CNOT2: variants seen among roughly 807,000 people sequenced by gnomAD.
The protein encoded by CNOT2 is CCR4-NOT transcription complex subunit 2.
In CNOT2, 7 loss-of-function variants were observed where a neutral mutation model predicts 72.1. The observed-to-expected ratio is 0.10, with a 90% confidence interval of 0.06 to 0.18. CNOT2 has a LOEUF of 0.18. CNOT2 is among the 10% of genes least tolerant of loss of function. The pLI is 1.00. For missense variants in CNOT2, 345 were observed against 660.3 expected (o/e 0.52, Z 5.23); for synonymous variants, 196 against 225.6 (o/e 0.87, Z 1.17).
Position 70,316,890 on chromosome 12 carries a change from T to G in CNOT2, c.172-2408T>G, listed in dbSNP as rs1320172930. Among the ~76,000 whole-genome samples, 7 of 152,162 alleles carry G rather than the reference T, an allele frequency of 4.6e-5. 1 individual carries two copies. Among genetic ancestry groups the G allele is most frequent in the Admixed American group, 3.9e-4 (6 of 15,258 alleles). On this transcript the variant is annotated intron_variant, in intron 3 of 15. Transcript: ENST00000229195. ...TGGATGTATAATCAGTGTGAGAAAGTAGACTAAAATGTGTGTTGTCTGGAG... is the reference window on the plus strand; with the variant it reads ...TGGATGTATAATCAGTGTGAGAAAGGAGACTAAAATGTGTGTTGTCTGGAG...
At chr12:70,352,999 G>A (rs910412442) in intron 15 of CNOT2, among the ~76,000 whole-genome samples, 2 of 151,578 alleles carry the variant, frequency 1.3e-5, no homozygotes, top group Non-Finnish European at 2.9e-5. Flanking sequence ...TGAAATGCAA[G>A]TCTAGTGATG....
intron 2 of CNOT2, among the ~76,000 whole-genome samples, chr12:70,291,558 T>C (rs1165829220): frequency 6.6e-6 from 1 of 152,228 alleles, no homozygotes; most frequent in African/African-American, 2.4e-5. Context: ...GTGTTCATAG[T>C]TAACAGTGAA....
intron 7 of CNOT2, among the ~76,000 whole-genome samples, chr12:70,333,166 T>C (rs563514404): frequency 1.3e-5 from 2 of 152,074 alleles, no homozygotes; most frequent in African/African-American, 2.4e-5. Context: ...TTTACTGTCC[T>C]CAGCCCTGTC....
intron 2 of CNOT2, among the ~76,000 whole-genome samples, chr12:70,289,546 GT>G (rs1312758105): frequency 3.3e-5 from 5 of 151,856 alleles, no homozygotes; most frequent in Admixed American, 3.3e-4. Flanking sequence ...TGTCTTCACT[GT>G]CCTTTGAGGA....
chr12:70,281,273 T>C (rs1398311573), intron 2 of CNOT2, among the ~76,000 whole-genome samples: 2 of 151,938 alleles, frequency 1.3e-5, no homozygotes, highest in East Asian at 1.9e-4. Flanking sequence ...TTAGTAGAGA[T>C]GGAGTTTCAC....
chr12:70,245,278 A>G (rs1957827790), intron 1 of CNOT2, among the ~76,000 whole-genome samples: 2 of 152,214 alleles, frequency 1.3e-5, no homozygotes, highest in Admixed American at 1.3e-4. Context: ...AAGACAAAAC[A>G]TGTTCCACTC....
At chr12:70,334,548 A>G (rs1311909226) in intron 7 of CNOT2, 1 of 152,088 alleles carries the variant, frequency 6.6e-6, no homozygotes, top group Non-Finnish European at 1.5e-5. Context: ...AAATGGTAAA[A>G]CAAAAATTAA....
chr12:70,274,135 T>C (rs1024335058), intron 1 of CNOT2, among the ~76,000 whole-genome samples: 1 of 152,124 alleles, frequency 6.6e-6, no homozygotes, highest in Non-Finnish European at 1.5e-5. Flanking sequence ...TTTATTTCAC[T>C]GAAATTCTTG....
intron 2 of CNOT2, among the ~76,000 whole-genome samples, chr12:70,305,800 C>T (rs185307557): frequency 1.3e-3 from 189 of 150,372 alleles, no homozygotes; most frequent in Non-Finnish European, 2.0e-3. Context: ...CCCTAATTGC[C>T]ATTCATCCTG....
intron 1 of CNOT2, among the ~76,000 whole-genome samples, chr12:70,265,940 T>C (rs1266906182): frequency 6.6e-6 from 1 of 151,960 alleles, no homozygotes; most frequent in East Asian, 1.9e-4. Context: ...CAGTTTCTCA[T>C]GTCACTTTTT....
At chr12:70,305,051 T>A (rs553522489) in intron 2 of CNOT2, among the ~76,000 whole-genome samples, 2 of 152,330 alleles carry the variant, frequency 1.3e-5, no homozygotes, top group South Asian at 4.1e-4. Flanking sequence ...GTGACCCGAT[T>A]TTCCAGGTGC....
Position 70,349,405 on chromosome 12 carries a change from C to G in CNOT2, c.1536+3081C>G, listed in dbSNP as rs188180877. Among the ~76,000 whole-genome samples, 212 of 152,138 alleles carry G rather than the reference C, an allele frequency of 1.4e-3. 1 individual carries two copies. The highest frequency in any genetic ancestry group is 4.9e-3 in the African/African-American group (202 of 41,502). On this transcript the variant is annotated intron_variant, in intron 15 of 15. Transcript: ENST00000229195. ...ATAACCTCAATTCACTGTAAGAAGC[C>G]TACAGTATGAATTAACATTTTAAAT...
At chr12:70,347,354 C>T (rs777462803) in intron 15 of CNOT2, among the ~76,000 whole-genome samples, 2 of 151,872 alleles carry the variant, frequency 1.3e-5, no homozygotes, top group Non-Finnish European at 2.9e-5. Context: ...CTCAAAAAGC[C>T]GGGTGCAGTG....
chr12:70,338,485 C>T lies in CNOT2; in HGVS notation c.943C>T (p.Pro315Ser). 1 of 1,612,782 alleles carries T rather than the reference C, an allele frequency of 6.2e-7. No individual in the cohort carries two copies. Among genetic ancestry groups the T allele is most frequent in the Non-Finnish European group, 8.5e-7 (1 of 1,179,356 alleles). Residue 315 changes from proline to serine, a missense_variant, in exon 10 of 16, where the codon CCC becomes TCC. Coordinates refer to ENST00000229195, the MANE Select transcript of CNOT2 (RefSeq NM_014515.7). ...SGKTTSSTDG[P>S]KFPGDKSSTT... The stretch of plus-strand genomic sequence containing the variant: ...CAAGACAACTTCAAGTACAGATGGA[C>T]CCAAATTCCCTGGAGATAAAAGTTC...
intron 15 of CNOT2, among the ~76,000 whole-genome samples, chr12:70,350,738 C>CCA (rs1458826950): frequency 6.6e-6 from 1 of 152,028 alleles, no homozygotes; most frequent in Non-Finnish European, 1.5e-5. Flanking sequence ...GACTTGGGTC[C>CCA]CATCCCCAAG....
chr12:70,335,305 A>G (rs1226982045), intron 7 of CNOT2, 133 bp from the exon 8 acceptor site: 3 of 614,734 alleles, frequency 4.9e-6, no homozygotes, highest in East Asian at 2.8e-5. Flanking sequence ...GAGCACCTAC[A>G]TACACCTAGT....
intron 4 of CNOT2, among the ~76,000 whole-genome samples, chr12:70,325,185 AAAG>A (rs1356094081): frequency 6.6e-6 from 1 of 151,930 alleles, no homozygotes; most frequent in Non-Finnish European, 1.5e-5. Context: ...GAGAAAGAAG[AAAG>A]AAGATTATAA....
chr12:70,311,681 T>C (rs1264507970), intron 3 of CNOT2, among the ~76,000 whole-genome samples: 1 of 152,032 alleles, frequency 6.6e-6, no homozygotes, highest in Non-Finnish European at 1.5e-5. Flanking sequence ...ACTAAAATTC[T>C]GTTAAGCTAC....
chr12:70,310,357 A>C (rs1480119031), intron 2 of CNOT2, among the ~76,000 whole-genome samples: 1 of 152,102 alleles, frequency 6.6e-6, no homozygotes, highest in Admixed American at 6.6e-5. Flanking sequence ...GATCAATGAA[A>C]GATTGTACTT....
Sources: gnomAD v4.1 joint callset for allele counts (sites outside exome capture counted in the v4.1 genomes callset) on GRCh38, gnomAD v4.1.1 for gene constraint, MANE v1.5 for transcripts, NCBI Gene and HGNC (gene_info 2026-07-23, HGNC 2026-07-21) for gene names.